Variants in ARID1B observed in about 807,000 individuals in gnomAD.
ARID1B encodes the protein AT-rich interactive domain-containing protein 1B.
A neutral mutation model predicts 212.3 loss-of-function variants in ARID1B; 30 were observed. The observed-to-expected ratio is 0.14, with a 90% CI of 0.11 to 0.19. The LOEUF (loss-of-function observed/expected upper bound fraction) is 0.19. Ranked by LOEUF, ARID1B falls within the 10% of genes least tolerant of loss-of-function variation. ARID1B has a pLI of 1.00. For missense variants in ARID1B, 2,891 were observed against 3,204.0 expected, an observed-to-expected ratio of 0.90 and a Z score of 2.36; for synonymous variants, 1,402 against 1,301.7, an observed-to-expected ratio of 1.08 and a Z score of -1.66.
At chr6:156,802,013 A>C (rs1780826290) in intron 1 of ARID1B, among the ~76,000 whole-genome samples, 1 of 152,236 alleles carries the variant, frequency 6.6e-6, no homozygotes, top group Admixed American at 6.5e-5. Flanking sequence ...AAATTATTGC[A>C]GTACTGAATG....
intron 18 of ARID1B, among the ~76,000 whole-genome samples, chr6:157,202,174 G>A (rs1459625853): frequency 2.0e-5 from 3 of 152,198 alleles, no homozygotes; most frequent in African/African-American, 2.4e-5. Context: ...CATGTCAATC[G>A]AATGCTGATG....
intron 2 of ARID1B, among the ~76,000 whole-genome samples, chr6:156,839,341 T>A (rs1219456789): frequency 6.6e-6 from 1 of 152,178 alleles, no homozygotes; most frequent in Non-Finnish European, 1.5e-5. Flanking sequence ...CTGGCTCAGA[T>A]CTCTCTTCCT....
Position 157,181,110 on chromosome 6 carries a change from G to A in ARID1B, c.3646G>A (p.Val1216Met), listed in dbSNP as rs370283707. Residue 1216 changes from valine (V) to methionine (M), a missense_variant, in exon 12 of 20, where the codon GTG becomes ATG. Around this residue, in one of 7 missense-constraint regions of ARID1B, gnomAD observed 666 missense variants for 873.5 expected, o/e 0.76. Transcript: ENST00000636930. ...RGSPVSSLPA[V>M]GKKPLDLFRL... ...CTCTCCTGTCTCAAGTCTGCCTGCC[G>A]TGGGCAAGAAGCCCCTGGACCTGTT... is the stretch of plus-strand genomic sequence containing the variant. The A allele has an allele frequency of 5.6e-6, 9 of 1,614,138 alleles. No individual in the cohort carries two copies. The highest frequency in any genetic ancestry group is 1.7e-5 in the Admixed American group (1 of 60,012).
chr6:157,020,447 T>C (rs1019758743), intron 4 of ARID1B, among the ~76,000 whole-genome samples: 1 of 152,190 alleles, frequency 6.6e-6, no homozygotes, highest in African/African-American at 2.4e-5. Flanking sequence ...TAAAAATATA[T>C]ATTTAATATG....
At chr6:156,974,597 A>AT (rs1215462957) in intron 4 of ARID1B, among the ~76,000 whole-genome samples, 1 of 152,220 alleles carries the variant, frequency 6.6e-6, no homozygotes, top group Non-Finnish European at 1.5e-5. Flanking sequence ...TATTAATGAA[A>AT]TTCAGATAAT....
chr6:156,950,485 G>A (rs62434295), intron 4 of ARID1B, among the ~76,000 whole-genome samples: 6,053 of 152,266 alleles, frequency 0.04, 135 homozygotes, highest in Middle Eastern at 0.061. Flanking sequence ...AAGAGAAAGG[G>A]ACATGCCTAA....
chr6:156,971,060 C>T (rs1776887177), intron 4 of ARID1B, among the ~76,000 whole-genome samples: 1 of 152,142 alleles, frequency 6.6e-6, no homozygotes, highest in Non-Finnish European at 1.5e-5. Flanking sequence ...TCTTGAAGTT[C>T]ACAGTTGATG....
At position 157,196,251 on chromosome 6, in the gene ARID1B, G is replaced by A. The variant is rs1793715413; in HGVS notation, c.4318G>A (p.Ala1440Thr). ...CATGTACAACCAAAGTCCCTCCGGA[G>A]CAATGTCTAACCTGGGCATGGGGCA... ...QDMYNQSPSGAMSNLGMGQRQ... is the reference protein window; with the variant it reads ...QDMYNQSPSGTMSNLGMGQRQ... The change falls in exon 16 of 20, where the codon GCA becomes ACA. Residue 1440 changes from alanine to threonine, a missense_variant. Around this residue, in one of 7 missense-constraint regions of ARID1B, gnomAD observed 666 missense variants for 873.5 expected, o/e 0.76. Coordinates refer to ENST00000636930, the MANE Select transcript of ARID1B (RefSeq NM_001374828.1). 6.2e-7 allele frequency: 1 copy of A among 1,613,346 alleles called. No homozygotes were observed. Among genetic ancestry groups the A allele is most frequent in the Non-Finnish European group, 8.5e-7 (1 of 1,179,820 alleles).
At chr6:156,845,738 T>G (rs536120682) in intron 2 of ARID1B, among the ~76,000 whole-genome samples, 58 of 152,316 alleles carry the variant, frequency 3.8e-4, no homozygotes, top group African/African-American at 1.2e-3. Context: ...AGTATTAAAC[T>G]TGGTGCTATT....
chr6:157,011,984 A>C (rs529315016), intron 4 of ARID1B, among the ~76,000 whole-genome samples: 2 of 152,376 alleles, frequency 1.3e-5, no homozygotes, highest in South Asian at 4.1e-4. Context: ...TCTATAAAGA[A>C]ATAGACTGGC....
intron 2 of ARID1B, among the ~76,000 whole-genome samples, chr6:156,875,087 C>G (rs1404619045): frequency 6.6e-6 from 1 of 152,060 alleles, no homozygotes; most frequent in African/African-American, 2.4e-5. Flanking sequence ...TCTAAATGGC[C>G]TATTTGAGTA....
chr6:156,825,447 C>G (rs1411074210), intron 1 of ARID1B, among the ~76,000 whole-genome samples: 1 of 152,166 alleles, frequency 6.6e-6, no homozygotes, highest in African/African-American at 2.4e-5. Flanking sequence ...GAGGGTTAAG[C>G]TAACATTTTT....
chr6:157,173,880 CT>C (rs1791893714), intron 9 of ARID1B, 127 bp from the exon 10 acceptor site: 3 of 728,400 alleles, frequency 4.1e-6, no homozygotes, highest in Admixed American at 6.0e-5. Flanking sequence ...ATTACAATTT[CT>C]TTTTTCTTTT....
At chr6:157,065,207 G>T (rs972499840) in intron 4 of ARID1B, among the ~76,000 whole-genome samples, 3 of 152,140 alleles carry the variant, frequency 2.0e-5, no homozygotes, top group African/African-American at 7.2e-5. Flanking sequence ...TCAAAGTAAT[G>T]AAAACTTGAA....
chr6:157,003,266 A>G (rs1228713079), intron 4 of ARID1B, among the ~76,000 whole-genome samples: 4 of 152,194 alleles, frequency 2.6e-5, no homozygotes, highest in East Asian at 1.9e-4. Context: ...GACTGGAGCT[A>G]AGGATGCTCT....
Position 156,919,393 on chromosome 6 carries a change from T to C in ARID1B, c.2137-16073T>C, listed in dbSNP as rs189962510. 3.1e-3 allele frequency among the ~76,000 whole-genome samples: 469 copies of C among 152,318 alleles called. 2 individuals carry two copies. Among genetic ancestry groups the C allele is most frequent in the Middle Eastern group, 0.027 (8 of 294 alleles). ...TAACATATATTTTAAGTTTTTTTTTTCTTTCTAGTACCAGAATTAAAACCA... is the reference window on the plus strand; with the variant it reads ...TAACATATATTTTAAGTTTTTTTTTCCTTTCTAGTACCAGAATTAAAACCA... On this transcript the variant is annotated intron_variant, in intron 3 of 19. Transcript: ENST00000636930.
intron 8 of ARID1B, among the ~76,000 whole-genome samples, chr6:157,156,770 G>T (rs1293736958): frequency 6.6e-6 from 1 of 152,148 alleles, no homozygotes; most frequent in African/African-American, 2.4e-5. Context: ...GTCTGAGGGG[G>T]GCCTCAGAGA....
At chr6:156,886,889 C>T (rs1467108727) in intron 2 of ARID1B, among the ~76,000 whole-genome samples, 2 of 152,194 alleles carry the variant, frequency 1.3e-5, no homozygotes, top group African/African-American at 4.8e-5. Flanking sequence ...CTCTTCCCTT[C>T]CCTTTACACC....
chr6:157,028,502 C>A (rs749911286), intron 4 of ARID1B, among the ~76,000 whole-genome samples: 2 of 152,104 alleles, frequency 1.3e-5, no homozygotes, highest in African/African-American at 2.4e-5. Context: ...ATGTTTGATA[C>A]ATACACATGT....
Sources: gnomAD v4.1 joint callset for allele counts (sites outside exome capture counted in the v4.1 genomes callset) on GRCh38, gnomAD v4.1.1 for gene constraint, gnomAD v4.1.1 regional missense constraint, MANE v1.5 for transcripts, NCBI Gene and HGNC (gene_info 2026-07-23, HGNC 2026-07-21) for gene names.